MTMR8: variants seen among roughly 807,000 people sequenced by gnomAD.
The protein encoded by MTMR8 is myotubularin related protein 8, also known as phosphatidylinositol-3,5-bisphosphate 3-phosphatase MTMR8.
Under a neutral mutation model 39.3 loss-of-function variants are expected in MTMR8, and 65 were observed. The observed-to-expected ratio is 1.65, with a 90% CI of 1.35 to 2.03. MTMR8 has a LOEUF of 2.03. Ranked by LOEUF, MTMR8 falls within the 30% of genes most tolerant of loss-of-function variation. The probability of loss-of-function intolerance (pLI) is 0.00; values close to 1 mark genes in which losing one functional copy is unlikely to be tolerated. For synonymous variants in MTMR8, 245 were observed against 185.2 expected, an observed-to-expected ratio of 1.32 and a Z score of -2.62; for missense variants, 777 against 538.9, an observed-to-expected ratio of 1.44 and a Z score of -4.37.
chrX:64,274,373 A>C (rs900639974), intron 12 of MTMR8, among the ~76,000 whole-genome samples: 2 of 112,548 alleles, frequency 1.8e-5, no homozygotes, highest in Admixed American at 9.4e-5. Context: ...GGGTCAAAGA[A>C]GAAATCAAAA....
intron 12 of MTMR8, among the ~76,000 whole-genome samples, chrX:64,278,831 T>C (rs1017161606): frequency 1.8e-5 from 2 of 111,393 alleles, no homozygotes; most frequent in African/African-American, 6.5e-5. Flanking sequence ...GGCCCCTCTG[T>C]TGCAGGTGTG....
intron 2 of MTMR8, among the ~76,000 whole-genome samples, chrX:64,358,841 A>ATG (rs1445597237): frequency 1.0e-5 from 1 of 96,465 alleles, no homozygotes; most frequent in Non-Finnish European, 2.0e-5. Context: ...ATGCCCGTGC[A>ATG]TGCACACACA....
chrX:64,374,356 G>A (rs961448272), intron 1 of MTMR8, among the ~76,000 whole-genome samples: 2 of 111,962 alleles, frequency 1.8e-5, no homozygotes, highest in Non-Finnish European at 3.8e-5. Context: ...AGACTATGGA[G>A]TTAGGCATTT....
chrX:64,320,907 G>T (rs979733129), intron 12 of MTMR8, among the ~76,000 whole-genome samples: 5 of 111,783 alleles, frequency 4.5e-5, no homozygotes, highest in Non-Finnish European at 9.4e-5. Context: ...GAGAACTATT[G>T]TTATTTTTCT....
chrX:64,296,519 C>T (rs1177757010), intron 12 of MTMR8, among the ~76,000 whole-genome samples: 2 of 107,236 alleles, frequency 1.9e-5, no homozygotes, highest in African/African-American at 6.8e-5. Context: ...GGCCAGAGGA[C>T]GGACTGTTAT....
chrX:64,308,320 A>ATTT lies in MTMR8; in HGVS notation c.1481+20449_1481+20451dup, dbSNP rs778962275. Among the ~76,000 whole-genome samples, 240 of 69,538 alleles carry ATTT rather than the reference A, an allele frequency of 3.5e-3. 6 individuals carry two copies. Among genetic ancestry groups the ATTT allele is most frequent in the African/African-American group, 0.013 (193 of 15,414 alleles). The allele number at this position is 69,538 out of a possible 115,157, so 60.4% of individuals were successfully genotyped here. A position where few individuals can be genotyped will look rare whatever the true frequency, so the allele number is the denominator to read the frequency against. Reference sequence around the variant, plus strand: ...CAGGTGCCTGCCATCACGGCTGGCTATTTTTTTTTTTTTTTTTTTTTTGTA... The same window carrying ATTT: ...CAGGTGCCTGCCATCACGGCTGGCTATTTTTTTTTTTTTTTTTTTTTTTTTGTA... On this transcript the variant is annotated intron_variant, in intron 12 of 13. Transcript: ENST00000374852.
At chrX:64,302,835 G>A (rs1305962846) in intron 12 of MTMR8, among the ~76,000 whole-genome samples, 1 of 112,237 alleles carries the variant, frequency 8.9e-6, no homozygotes, top group Non-Finnish European at 1.9e-5. Context: ...GGTCTTCAGA[G>A]TTCCCTGACC....
chrX:64,371,304 A>G (rs1040771307), intron 1 of MTMR8, among the ~76,000 whole-genome samples: 29 of 112,578 alleles, frequency 2.6e-4, no homozygotes, highest in African/African-American at 9.0e-4. Context: ...AAGAGAAAAT[A>G]AAAATGTGAT....
intron 12 of MTMR8, chrX:64,305,343 A>G (rs1922071419): frequency 9.7e-6 from 2 of 205,281 alleles, no homozygotes; most frequent in Non-Finnish European, 1.8e-5. Flanking sequence ...TTTTACAGTC[A>G]GCTTCTGAGT....
intron 12 of MTMR8, among the ~76,000 whole-genome samples, chrX:64,272,709 C>A (rs1931788534): frequency 9.0e-6 from 1 of 110,569 alleles, no homozygotes; most frequent in African/African-American, 3.3e-5. Context: ...CTAAAGAAAT[C>A]CACACTAAGA....
chrX:64,289,132 A>G (rs760902243), intron 12 of MTMR8, among the ~76,000 whole-genome samples: 1 of 111,111 alleles, frequency 9.0e-6, no homozygotes, highest in African/African-American at 3.3e-5. Context: ...CTCCAAAGAA[A>G]TTAAAATGGA....
intron 10 of MTMR8, 31 bp from the exon 11 acceptor site, chrX:64,331,788 C>T (rs1922949132): frequency 9.1e-7 from 1 of 1,101,680 alleles, no homozygotes; most frequent in South Asian, 1.9e-5. Flanking sequence ...TAAAGAAAGA[C>T]ACTAGTTAGC....
chrX:64,326,297 T>C (rs973840911), intron 12 of MTMR8, among the ~76,000 whole-genome samples: 1 of 111,321 alleles, frequency 9.0e-6, no homozygotes, highest in Admixed American at 9.6e-5. Context: ...GGGTCCACCA[T>C]ATACAGAAAA....
In MTMR8 at chrX:64,356,309, C is replaced by A; in HGVS notation, c.177G>T (p.Glu59Asp). 1.7e-6 allele frequency: 2 copies of A among 1,207,258 alleles called. No homozygotes were observed. The highest frequency in any genetic ancestry group is 2.2e-6 in the Non-Finnish European group (2 of 894,131). ...WIALHHIATV[E>D]KLPITSLGCP... ...AACCCAGGCTAGTGATGGGTAACTT[C>A]TCCACAGTGGCAATGTGATGGAGTG... Residue 59 changes from glutamate to aspartate, a missense_variant, in exon 3 of 14, where the codon GAG (glutamate) becomes GAT (aspartate). Coordinates refer to ENST00000374852, the MANE Select transcript of MTMR8 (RefSeq NM_017677.4).
intron 12 of MTMR8, among the ~76,000 whole-genome samples, chrX:64,278,480 T>G (rs1931931533): frequency 2.7e-5 from 2 of 74,288 alleles, no homozygotes; most frequent in Non-Finnish European, 5.1e-5. Context: ...TTTTTTTTTT[T>G]TTTTTTTTTT....
At chrX:64,394,413 A>C (rs1317516470) in intron 1 of MTMR8, among the ~76,000 whole-genome samples, 3 of 112,076 alleles carry the variant, frequency 2.7e-5, no homozygotes, top group Non-Finnish European at 3.8e-5. Flanking sequence ...GCAGCACTTT[A>C]ATTCAAGTCT....
At chrX:64,371,264 A>T (rs1924125244) in intron 1 of MTMR8, among the ~76,000 whole-genome samples, 1 of 112,542 alleles carries the variant, frequency 8.9e-6, no homozygotes, top group Admixed American at 9.4e-5. Context: ...CAGATGAAGT[A>T]GCCAAAGAAC....
chrX:64,329,551 T>C (rs955301946), intron 11 of MTMR8, among the ~76,000 whole-genome samples: 1 of 111,530 alleles, frequency 9.0e-6, no homozygotes, highest in African/African-American at 3.3e-5. Context: ...GGGAGGCTGC[T>C]TAACCAGTAA....
intron 8 of MTMR8, among the ~76,000 whole-genome samples, chrX:64,341,874 T>C (rs1015654673): frequency 2.7e-5 from 3 of 112,371 alleles, no homozygotes; most frequent in Admixed American, 9.5e-5. Context: ...TATATATTTC[T>C]GAAATGTTTA....
Sources: gnomAD v4.1 joint callset for allele counts (sites outside exome capture counted in the v4.1 genomes callset) on GRCh38, gnomAD v4.1.1 for gene constraint, MANE v1.5 for transcripts, NCBI Gene and HGNC (gene_info 2026-07-23, HGNC 2026-07-21) for gene names.